Variants in FGD2 observed in about 807,000 individuals in gnomAD.
The protein encoded by FGD2 is FYVE, RhoGEF and PH domain-containing protein 2.
FGD2 carries 52 observed loss-of-function variants against 75.9 expected under a neutral mutation model. The ratio of observed to expected loss-of-function variants is 0.69; its 90% CI spans 0.55 to 0.86. The LOEUF (loss-of-function observed/expected upper bound fraction) is 0.86. Among genes scored for constraint, FGD2 ranks in the 40% least tolerant of loss-of-function variants. The probability of loss-of-function intolerance (pLI) is 0.00; values close to 1 mark genes in which losing one functional copy is unlikely to be tolerated. For synonymous variants in FGD2, 347 were observed against 348.6 expected, an observed-to-expected ratio of 1.00 and a Z score of 0.05; for missense variants, 790 against 872.0, an observed-to-expected ratio of 0.91 and a Z score of 1.18.
Position 37,010,953 on chromosome 6 carries a change from T to C in FGD2, c.301-20T>C. The C allele has an allele frequency of 1.2e-6, 2 of 1,612,830 alleles. No homozygotes were observed. The highest frequency in any genetic ancestry group is 1.7e-6 in the Non-Finnish European group (2 of 1,178,922). ...TGTCTTCCCCCTTTTTCTCCTTCTC[T>C]CCCCTCCAATCCTCCGCAGGAGCCA... is the stretch of plus-strand genomic sequence containing the variant. On this transcript the variant is annotated intron_variant, in intron 2 of 15. Coordinates refer to ENST00000274963, the MANE Select transcript of FGD2 (RefSeq NM_173558.4).
Position 37,015,762 on chromosome 6 carries a change from C to T in FGD2, c.1030-6C>T, listed in dbSNP as rs370806965. 2.7e-5 allele frequency: 42 copies of T among 1,580,444 alleles called. No individual in the cohort carries two copies. In the African/African-American group the frequency reaches 5.6e-4, roughly 21 times the overall value. On this transcript the variant is annotated splice_polypyrimidine_tract_variant and splice_region_variant and intron_variant, in intron 8 of 15. Coordinates refer to ENST00000274963, the MANE Select transcript of FGD2 (RefSeq NM_173558.4). ...CACGGGCCACTCACGCCTGTGTCTC[C>T]TGCAGTTCAACAACATGCTGCTCTA... is the stretch of plus-strand genomic sequence containing the variant.
chr6:37,022,886 C>T (rs1176411794), intron 13 of FGD2: 1 of 156,170 alleles, frequency 6.4e-6, no homozygotes, highest in Non-Finnish European at 1.4e-5. Context: ...TCACAGCACA[C>T]CTCAGGAGGC....
rs1041948606 is a variant in FGD2, at chr6:37,006,004, G to T, written c.68+119G>T. On this transcript the variant is annotated intron_variant, in intron 1 of 15. Coordinates refer to ENST00000274963, the MANE Select transcript of FGD2 (RefSeq NM_173558.4). Reference sequence around the variant, plus strand: ...CCTCCTCCTGCAGGGGCAGCCCCGCGTTCCTCGGTCACGGATTCCTTGGAG... The same window carrying T: ...CCTCCTCCTGCAGGGGCAGCCCCGCTTTCCTCGGTCACGGATTCCTTGGAG... 6 of 1,148,826 alleles carry T rather than the reference G, an allele frequency of 5.2e-6. No individual in the cohort carries two copies. In the East Asian group the frequency reaches 1.2e-4, roughly 24 times the overall value. 71.2% of individuals were successfully genotyped at this position (1,148,826 alleles called of 1,614,324 possible).
rs370743639 is a variant in FGD2 at position 37,010,946 on chromosome 6, C to T, written c.301-27C>T. 1.4e-4 allele frequency: 225 copies of T among 1,609,698 alleles called. 3 individuals carry two copies. In the African/African-American group the frequency reaches 2.7e-3, roughly 19 times the overall value. On this transcript the variant is annotated intron_variant, in intron 2 of 15. Transcript: ENST00000274963. The stretch of plus-strand genomic sequence containing the variant: ...CCAAAGCTGTCTTCCCCCTTTTTCT[C>T]CTTCTCTCCCCTCCAATCCTCCGCA...
At chr6:37,008,001 A>G (rs1274589631) in intron 1 of FGD2, among the ~76,000 whole-genome samples, 1 of 152,166 alleles carries the variant, frequency 6.6e-6, no homozygotes, top group Admixed American at 6.5e-5. Flanking sequence ...CAGTCGCCTG[A>G]TTTGAATCCC....
rs951067734 is a variant in FGD2 at position 37,010,919 on chromosome 6, G to C, written c.301-54G>C. ...CTGAACCGAGGTCCCCATCAGAGGA[G>C]ACCAAAGCTGTCTTCCCCCTTTTTC... On this transcript the variant is annotated intron_variant, in intron 2 of 15. Transcript: ENST00000274963. 2.5e-6 allele frequency: 4 copies of C among 1,569,218 alleles called. No homozygotes were observed. The African/African-American group carries it at 5.4e-5, about 21-fold the overall frequency.
rs769598548 is a variant in FGD2, at chr6:37,021,575, G to C, written c.1297G>C (p.Gly433Arg). 1.2e-6 allele frequency: 2 copies of C among 1,614,054 alleles called. No homozygotes were observed. Among genetic ancestry groups the C allele is most frequent in the Non-Finnish European group, 1.7e-6 (2 of 1,179,936 alleles). ...TGAAACCTTCAAGGCTGCGGCCCAG[G>C]GGCCTGAGGGAGACATCCAGGAGCA... ...RNETFKAAAQ[G>R]PEGDIQEQEL... Residue 433 changes from glycine (G) to arginine (R), a missense_variant, in exon 12 of 16, where the codon GGG becomes CGG. Physicochemically the swap from Gly to Arg is moderately radical, Grantham distance 125 (BLOSUM62 -2). Transcript: ENST00000274963.
In FGD2 at chr6:37,005,824, G is replaced by A. The variant is rs907490276; in HGVS notation, c.7G>A (p.Gly3Arg). 1.9e-6 allele frequency: 3 copies of A among 1,613,860 alleles called. No individual in the cohort carries two copies. Among genetic ancestry groups the A allele is most frequent in the Non-Finnish European group, 8.5e-7 (1 of 1,179,972 alleles). MK[G>R]ASEEKLASVS... The stretch of plus-strand genomic sequence containing the variant: ...CACCCCGGAAACCGGCAGGATGAAG[G>A]GGGCAAGTGAGGAGAAGCTGGCATC... The change falls in exon 1 of 16, where the codon GGG (glycine) becomes AGG (arginine). Residue 3 changes from glycine to arginine, a missense_variant. Transcript: ENST00000274963.
Position 37,010,979 on chromosome 6 carries a change from GAGA to G in FGD2, c.314_316del (p.Lys105del), listed in dbSNP as rs1460323207. The G allele has an allele frequency of 6.8e-6, 11 of 1,614,042 alleles. No individual in the cohort carries two copies. The highest frequency in any genetic ancestry group is 6.7e-5 in the Admixed American group (4 of 59,998). On this transcript the variant is annotated inframe_deletion, in exon 3 of 16. Transcript: ENST00000274963. The stretch of plus-strand genomic sequence containing the variant: ...CCCCTCCAATCCTCCGCAGGAGCCA[GAGA>G]AGAAGATCGTCCAGGAGCTGCTGGA...
intron 7 of FGD2, 71 bp from the exon 8 acceptor site, chr6:37,014,821 C>G: frequency 6.2e-7 from 1 of 1,609,536 alleles, no homozygotes; most frequent in African/African-American, 1.3e-5. Context: ...TCCCCGTCCC[C>G]ACAAGGCAAG....
At chr6:37,019,855 C>CTTTTTTTTTT (rs11385767) in intron 9 of FGD2, among the ~76,000 whole-genome samples, 2 of 136,218 alleles carry the variant, frequency 1.5e-5, no homozygotes, top group South Asian at 2.3e-4. Context: ...CTTTTCTTTT[C>CTTTTTTTTTT]TTTTTTTTTT....
chr6:37,027,312 G>A, intron 14 of FGD2, 117 bp from the exon 15 acceptor site: 1 of 1,226,438 alleles, frequency 8.2e-7, no homozygotes, highest in Admixed American at 2.4e-5. Context: ...CAAGGACCAA[G>A]GACCCCTCCA....
Position 37,020,620 on chromosome 6 carries a change from G to C in FGD2, c.1202G>C (p.Arg401Pro). 2 of 1,600,766 alleles carry C rather than the reference G, an allele frequency of 1.2e-6. No individual in the cohort carries two copies. The highest frequency in any genetic ancestry group is 1.7e-6 in the Non-Finnish European group (2 of 1,173,698). The part of the protein sequence containing the change: ...GKQRTLELQA[R>P]SQEEMISWMQ... ...CAGCGCACCCTGGAGCTGCAAGCCC[G>C]GTAAAGGAGCTGGGGTGGCGGCCCA... Residue 401 changes from arginine to proline, a missense_variant and splice_region_variant, in exon 10 of 16, where the codon CGG becomes CCG. Arg to Pro is a moderately radical substitution (Grantham distance 103). Transcript: ENST00000274963.
At position 37,027,446 on chromosome 6, in the gene FGD2, G is replaced by A. The variant is rs2274587; in HGVS notation, c.1623G>A (p.Thr541=). The change falls in exon 15 of 16, where the codon ACG becomes ACA. Residue 541 remains threonine, a synonymous_variant. Transcript: ENST00000274963. ...RGILEKGSSA[T]PDQSLMCSFL... Reference sequence around the variant, plus strand: ...GGTTTTAGAAAGGGTCCTCAGCCACGCCTGACCAGAGCCTGATGTGCAGCT... The same window carrying A: ...GGTTTTAGAAAGGGTCCTCAGCCACACCTGACCAGAGCCTGATGTGCAGCT... The A allele has an allele frequency of 0.11, 181,991 of 1,611,444 alleles. 15,152 individuals carry two copies. Among genetic ancestry groups the A allele is most frequent in the East Asian group, 0.51 (22,818 of 44,786 alleles).
chr6:37,015,310 G>A (rs1765230544), intron 8 of FGD2, among the ~76,000 whole-genome samples: 1 of 152,188 alleles, frequency 6.6e-6, no homozygotes. Flanking sequence ...CAAAGCCTGT[G>A]ATATTAATCT....
At chr6:37,012,724 A>G (rs542928002) in intron 4 of FGD2, among the ~76,000 whole-genome samples, 2 of 151,476 alleles carry the variant, frequency 1.3e-5, no homozygotes, top group East Asian at 1.9e-4. Context: ...AAAAAAAAAA[A>G]AAAGAAAGAA....
intron 6 of FGD2, 138 bp downstream of exon 6, chr6:37,014,238 T>C: frequency 9.5e-7 from 1 of 1,055,696 alleles, no homozygotes; most frequent in Non-Finnish European, 1.3e-6. Context: ...ACATCATCCA[T>C]ACCATTAGCC....
chr6:37,008,716 A>T, intron 1 of FGD2, 118 bp from the exon 2 acceptor site: 1 of 864,150 alleles, frequency 1.2e-6, no homozygotes, highest in Non-Finnish European at 1.7e-6. Flanking sequence ...AAAGCCAGGC[A>T]CCCAGGGGCC....
intron 11 of FGD2, among the ~76,000 whole-genome samples, 160 bp from the exon 12 acceptor site, chr6:37,021,352 G>T (rs754552335): frequency 3.9e-5 from 6 of 152,172 alleles, no homozygotes; most frequent in Non-Finnish European, 8.8e-5. Context: ...GGGGCTGGTA[G>T]TTTCTCCTCC....
Sources: gnomAD v4.1 joint callset for allele counts (sites outside exome capture counted in the v4.1 genomes callset) on GRCh38, gnomAD v4.1.1 for gene constraint, MANE v1.5 for transcripts, NCBI Gene and HGNC (gene_info 2026-07-23, HGNC 2026-07-21) for gene names.